The following ST18 variants were observed in gnomAD, a reference collection of about 807,000 sequenced individuals.
The protein encoded by ST18 is suppression of tumorigenicity 18 protein.
Under a neutral mutation model 110.0 loss-of-function variants are expected in ST18, and 50 were observed. The observed-to-expected ratio is 0.45, with a 90% CI of 0.36 to 0.58. The LOEUF (loss-of-function observed/expected upper bound fraction) is 0.58. Among genes scored for constraint, ST18 ranks in the 20% least tolerant of loss-of-function variants. ST18 has a pLI of 0.00. For missense variants in ST18, 1,306 were observed against 1,280.1 expected (o/e 1.02, Z -0.31); for synonymous variants, 461 against 452.4 (o/e 1.02, Z -0.24).
intron 2 of ST18, chr8:52,407,441 A>AT (rs1383190266): frequency 7.6e-6 from 1 of 131,478 alleles, no homozygotes; most frequent in Non-Finnish European, 1.7e-5. Context: ...TGAATTTGTG[A>AT]TTTTTTCAAT....
In ST18 at chr8:52,398,059, G is replaced by T. The variant is rs77571627; in HGVS notation, c.-465+11269C>A. Among the ~76,000 whole-genome samples the T allele has an allele frequency of 9.9e-5, 15 of 152,056 alleles. No homozygotes were observed. The East Asian group carries it at 2.9e-3, about 29-fold the overall frequency. ...TAGCATGGTCATCTTAACAATATTA[G>T]TTCTTCCTATACATGGACACATTTA... is the stretch of plus-strand genomic sequence containing the variant. On this transcript the variant is annotated intron_variant, in intron 2 of 25. Coordinates refer to ENST00000689386, the MANE Select transcript of ST18 (RefSeq NM_001352837.2).
intron 2 of ST18, among the ~76,000 whole-genome samples, chr8:52,306,593 C>A (rs1204963964): frequency 2.0e-5 from 3 of 152,078 alleles, no homozygotes; most frequent in African/African-American, 7.2e-5. Flanking sequence ...ATATAATGGG[C>A]TGTATAGTAG....
At chr8:52,397,498 C>A (rs754210514) in intron 2 of ST18, among the ~76,000 whole-genome samples, 5 of 152,092 alleles carry the variant, frequency 3.3e-5, no homozygotes, top group Non-Finnish European at 5.9e-5. Flanking sequence ...TGGCCTGAGG[C>A]TTTTGGAGTG....
intron 6 of ST18, among the ~76,000 whole-genome samples, chr8:52,214,538 G>T (rs1178305635): frequency 6.6e-6 from 1 of 152,126 alleles, no homozygotes; most frequent in African/African-American, 2.4e-5. Flanking sequence ...GCATTACAAA[G>T]ATAGAAAAAG....
chr8:52,352,657 C>T (rs1820894964), intron 2 of ST18, among the ~76,000 whole-genome samples: 1 of 152,162 alleles, frequency 6.6e-6, no homozygotes, highest in Non-Finnish European at 1.5e-5. Flanking sequence ...CTCTGCCAGG[C>T]CCCGTGCTGG....
At chr8:52,217,220 T>C (rs2136211101) in intron 6 of ST18, among the ~76,000 whole-genome samples, 1 of 152,326 alleles carries the variant, frequency 6.6e-6, no homozygotes, top group South Asian at 2.1e-4. Flanking sequence ...ATTTATATAC[T>C]TCATTCTCAT....
chr8:52,191,060 G>A (rs532233691), intron 8 of ST18, among the ~76,000 whole-genome samples: 2 of 152,306 alleles, frequency 1.3e-5, no homozygotes, highest in African/African-American at 4.8e-5. Context: ...TGGGACTACT[G>A]CTCTGAATCA....
Position 52,171,772 on chromosome 8 carries a change from A to C in ST18, c.1069+20T>G, listed in dbSNP as rs1157453929. On this transcript the variant is annotated intron_variant, in intron 10 of 25. Transcript: ENST00000689386. ...CTAATGCACTTTTATTCCTAAAATA[A>C]ATGCAAAAATGTGTCTTACGTTTAT... 6 of 1,601,408 alleles carry C rather than the reference A, an allele frequency of 3.7e-6. No individual in the cohort carries two copies. The East Asian group carries it at 1.3e-4, about 36-fold the overall frequency.
At chr8:52,253,997 G>C (rs1304389260) in intron 2 of ST18, among the ~76,000 whole-genome samples, 1 of 151,864 alleles carries the variant, frequency 6.6e-6, no homozygotes, top group Admixed American at 6.6e-5. Flanking sequence ...GAGAGAGAGA[G>C]AGAGAGACAG....
chr8:52,264,175 T>G (rs933102456), intron 2 of ST18, among the ~76,000 whole-genome samples: 3 of 152,198 alleles, frequency 2.0e-5, no homozygotes, highest in Non-Finnish European at 4.4e-5. Context: ...AACAGTGATG[T>G]TTTTCAACTG....
chr8:52,131,292 G>A (rs549773684), intron 22 of ST18, among the ~76,000 whole-genome samples: 31 of 152,310 alleles, frequency 2.0e-4, no homozygotes, highest in African/African-American at 7.0e-4. Context: ...GGAGAAATAT[G>A]TAGGGAAGCT....
intron 2 of ST18, among the ~76,000 whole-genome samples, chr8:52,395,566 C>T (rs1448926248): frequency 1.3e-5 from 2 of 152,100 alleles, no homozygotes; most frequent in South Asian, 2.1e-4. Flanking sequence ...AAAGCTTCCA[C>T]GGTTAGAGAG....
intron 2 of ST18, among the ~76,000 whole-genome samples, chr8:52,250,677 G>T (rs2094243760): frequency 6.9e-6 from 1 of 145,262 alleles, no homozygotes. Context: ...AAAAAAAATT[G>T]CTAAAATGTA....
At chr8:52,399,817 A>G (rs1454688353) in intron 2 of ST18, among the ~76,000 whole-genome samples, 1 of 151,942 alleles carries the variant, frequency 6.6e-6, no homozygotes, top group East Asian at 1.9e-4. Context: ...TCAATCTTCT[A>G]TGGGACTGAC....
At chr8:52,137,625 G>T in intron 17 of ST18, 142 bp from the exon 18 acceptor site, 1 of 698,914 alleles carries the variant, frequency 1.4e-6, no homozygotes. Context: ...AGTGTACCAA[G>T]GATTTATATT....
At chr8:52,158,849 C>T (rs1459785589) in intron 15 of ST18, 49 bp downstream of exon 15, 1 of 1,603,056 alleles carries the variant, frequency 6.2e-7, no homozygotes, top group Admixed American at 1.7e-5. Flanking sequence ...GCAGTTTATT[C>T]TCACAGTTCA....
intron 15 of ST18, among the ~76,000 whole-genome samples, chr8:52,153,518 C>A (rs2059308877): frequency 6.6e-6 from 1 of 152,158 alleles, no homozygotes; most frequent in African/African-American, 2.4e-5. Context: ...ATGAAAATAT[C>A]TTACTCTTAC....
At chr8:52,355,291 C>A (rs117927004) in intron 2 of ST18, among the ~76,000 whole-genome samples, 1 of 152,196 alleles carries the variant, frequency 6.6e-6, no homozygotes, top group South Asian at 2.1e-4. Flanking sequence ...GGTAACTGGG[C>A]TCATGGAATG....
intron 2 of ST18, among the ~76,000 whole-genome samples, chr8:52,369,240 C>T (rs10113051): frequency 1.3e-5 from 2 of 152,036 alleles, no homozygotes; most frequent in South Asian, 4.1e-4. Flanking sequence ...AAATTTTAAC[C>T]AGGCAAATGG....
Sources: gnomAD v4.1 joint callset for allele counts (sites outside exome capture counted in the v4.1 genomes callset) on GRCh38, gnomAD v4.1.1 for gene constraint, MANE v1.5 for transcripts, NCBI Gene and HGNC (gene_info 2026-07-23, HGNC 2026-07-21) for gene names.